The following USH2A variants were observed in gnomAD, a reference collection of about 807,000 sequenced individuals.
USH2A encodes usherin.
USH2A carries 443 observed loss-of-function variants against 538.9 expected under a neutral mutation model. That is an observed-to-expected ratio of 0.82 (90% confidence interval 0.76 to 0.89). The LOEUF is 0.89. Among genes scored for constraint, USH2A ranks in the 40% least tolerant of loss-of-function variants. The pLI, the probability that USH2A is intolerant of heterozygous loss-of-function variation, is 0.00. For synonymous variants in USH2A, 2,413 were observed against 2,273.5 expected (o/e 1.06, Z -1.75); for missense variants, 6,633 against 6,324.8 (o/e 1.05, Z -1.65).
In USH2A at chr1:215,834,149, T is replaced by A. The variant is rs1414900785; in HGVS notation, c.9371+3842A>T. ...AAAGATGTTACAGTCACTTTGTAAA[T>A]CAGTCTGGCAGTTTATGACTCAGCA... On this transcript the variant is annotated intron_variant, in intron 47 of 71. Transcript: ENST00000307340. Among the ~76,000 whole-genome samples, 4 of 152,140 alleles carry A rather than the reference T, an allele frequency of 2.6e-5. No homozygotes were observed. In the East Asian group the frequency reaches 7.7e-4, roughly 29 times the overall value.
At chr1:216,322,052 T>C in intron 8 of USH2A, 76 bp from the exon 9 acceptor site, 2 of 1,375,038 alleles carry the variant, frequency 1.5e-6, no homozygotes, top group Admixed American at 1.7e-5. Context: ...TAGGACTATA[T>C]GCATTATGTG....
At chr1:215,856,577 A>G (rs1664171936) in intron 44 of USH2A, among the ~76,000 whole-genome samples, 1 of 152,208 alleles carries the variant, frequency 6.6e-6, no homozygotes, top group Non-Finnish European at 1.5e-5. Flanking sequence ...TGATACAAAG[A>G]ACACATTTTT....
intron 50 of USH2A, among the ~76,000 whole-genome samples, chr1:215,791,948 C>T (rs532425653): frequency 1.0e-3 from 157 of 152,174 alleles, no homozygotes; most frequent in African/African-American, 3.6e-3. Flanking sequence ...TTATATTGTT[C>T]GGGCATTTTT....
rs2037660756 is a variant in USH2A at position 216,323,551 on chromosome 1, C to T, written c.1473G>A (p.Gly491=). The change falls in exon 8 of 72, where the codon GGG becomes GGA. Residue 491 remains glycine, a synonymous_variant. Coordinates refer to ENST00000307340, the MANE Select transcript of USH2A (RefSeq NM_206933.4). ...CAGCAGTCTCAGTTGTATAGTACTG[C>T]CCATGAAAATGAAACCTTATTTGCG... The part of the protein sequence containing the change: ...KATQIRFHFH[G]QYYTTETAVN... The T allele has an allele frequency of 4.3e-6, 7 of 1,613,316 alleles. No individual in the cohort carries two copies. In the South Asian group the frequency reaches 6.6e-5, roughly 15 times the overall value.
At chr1:215,737,315 T>A (rs1031987396) in intron 60 of USH2A, among the ~76,000 whole-genome samples, 7 of 151,914 alleles carry the variant, frequency 4.6e-5, no homozygotes, top group African/African-American at 1.7e-4. Context: ...CATGAGTAAA[T>A]CATAAGAATG....
intron 3 of USH2A, among the ~76,000 whole-genome samples, chr1:216,376,298 T>C (rs1052731148): frequency 3.3e-5 from 5 of 152,118 alleles, no homozygotes; most frequent in African/African-American, 1.2e-4. Flanking sequence ...TGGACACTCA[T>C]TTAATCTTTA....
chr1:216,053,587 T>C (rs1384661983), intron 30 of USH2A, among the ~76,000 whole-genome samples: 6 of 151,258 alleles, frequency 4.0e-5, no homozygotes, highest in African/African-American at 1.2e-4. Flanking sequence ...TGCTAGTCCC[T>C]CTAGGTAATG....
chr1:216,353,319 A>G (rs934532535), intron 4 of USH2A, among the ~76,000 whole-genome samples: 5 of 152,112 alleles, frequency 3.3e-5, no homozygotes, highest in African/African-American at 4.8e-5. Flanking sequence ...TGCATGTGCT[A>G]TACAAACTGA....
intron 21 of USH2A, among the ~76,000 whole-genome samples, chr1:216,117,851 G>GATAT (rs71159902): frequency 1.2e-4 from 18 of 148,658 alleles, no homozygotes; most frequent in East Asian, 2.0e-4. Flanking sequence ...TACACACACA[G>GATAT]ATATATATAT....
chr1:215,680,557 C>T (rs912573515), intron 61 of USH2A, among the ~76,000 whole-genome samples, 181 bp from the exon 62 acceptor site: 3 of 151,716 alleles, frequency 2.0e-5, no homozygotes, highest in Non-Finnish European at 4.4e-5. Context: ...TTGTTGACAC[C>T]GTGAATATAT....
chr1:215,984,920 G>C (rs1459333089), intron 35 of USH2A, among the ~76,000 whole-genome samples: 1 of 152,190 alleles, frequency 6.6e-6, no homozygotes, highest in African/African-American at 2.4e-5. Flanking sequence ...AAGGAAAAGA[G>C]AGAAGAGCTT....
chr1:216,199,774 C>T lies in USH2A; in HGVS notation c.3664G>A (p.Ala1222Thr), dbSNP rs761752531. 3 of 1,614,074 alleles carry T rather than the reference C, an allele frequency of 1.9e-6. No homozygotes were observed. Among genetic ancestry groups the T allele is most frequent in the Non-Finnish European group, 2.5e-6 (3 of 1,179,996 alleles). ...PFAKYDFSVQ[A>T]CTSGGCLHSL... ...TGTAAACAGCCCCCGCTAGTACACG[C>T]CTGTACAGAAAAATCGTACTTGGCA... The change falls in exon 17 of 72, where the codon GCG becomes ACG. Residue 1222 changes from alanine (A) to threonine (T), a missense_variant. Transcript: ENST00000307340.
At chr1:216,208,900 T>C (rs1408244766) in intron 15 of USH2A, among the ~76,000 whole-genome samples, 1 of 152,086 alleles carries the variant, frequency 6.6e-6, no homozygotes, top group African/African-American at 2.4e-5. Context: ...CCTTAGAAAC[T>C]CAGTGCACAG....
chr1:215,867,368 C>G (rs148848901), intron 43 of USH2A, among the ~76,000 whole-genome samples, 198 bp from the exon 44 acceptor site: 55 of 152,218 alleles, frequency 3.6e-4, no homozygotes, highest in African/African-American at 1.3e-3. Flanking sequence ...TTGTGACTTG[C>G]CAGCATAAAC....
chr1:215,883,934 C>G (rs1024752266), intron 41 of USH2A, among the ~76,000 whole-genome samples: 1 of 152,168 alleles, frequency 6.6e-6, no homozygotes, highest in Non-Finnish European at 1.5e-5. Flanking sequence ...CCATCATTCT[C>G]AGTAAACTAA....
intron 47 of USH2A, among the ~76,000 whole-genome samples, chr1:215,830,958 A>C (rs1663297478): frequency 6.6e-6 from 1 of 152,330 alleles, no homozygotes; most frequent in Admixed American, 6.5e-5. Flanking sequence ...CTTTCTTCAA[A>C]GGATTTTAAC....
intron 21 of USH2A, among the ~76,000 whole-genome samples, chr1:216,101,560 C>T (rs2032578030): frequency 1.3e-5 from 2 of 152,012 alleles, no homozygotes; most frequent in Admixed American, 1.3e-4. Flanking sequence ...CATCCTGGGC[C>T]CAGGAATAAG....
At chr1:215,899,278 T>C (rs1170044392) in intron 40 of USH2A, among the ~76,000 whole-genome samples, 2 of 152,178 alleles carry the variant, frequency 1.3e-5, no homozygotes, top group African/African-American at 2.4e-5. Context: ...GCAGAGAACA[T>C]TGCCTAAGAA....
chr1:216,284,751 G>A (rs1039811289), intron 11 of USH2A, among the ~76,000 whole-genome samples: 2 of 152,226 alleles, frequency 1.3e-5, no homozygotes, highest in African/African-American at 4.8e-5. Context: ...ATGTGGGAAA[G>A]TTTGGAACTT....
Sources: allele counts gnomAD v4.1 joint callset (sites outside exome capture counted in the v4.1 genomes callset), GRCh38; gene constraint gnomAD v4.1.1; transcripts MANE v1.5; gene names NCBI Gene and HGNC (gene_info 2026-07-23, HGNC 2026-07-21).